Variants in FAIM2 observed in about 807,000 individuals in gnomAD.
FAIM2 encodes the protein protein lifeguard 2.
A neutral mutation model predicts 47.4 loss-of-function variants in FAIM2; 27 were observed. That is an observed-to-expected ratio of 0.57 (90% CI 0.42 to 0.78). The LOEUF is 0.78. FAIM2 is among the 30% of genes least tolerant of loss of function. The pLI is 0.00. For synonymous variants in FAIM2, 156 were observed against 159.3 expected (o/e 0.98, Z 0.16); for missense variants, 311 against 389.4 (o/e 0.80, Z 1.69).
intron 11 of FAIM2, among the ~76,000 whole-genome samples, chr12:49,880,795 T>C (rs1201870898): frequency 6.6e-6 from 1 of 151,984 alleles, no homozygotes; most frequent in Non-Finnish European, 1.5e-5. Flanking sequence ...TATGTATATG[T>C]GTTTGTGCAT....
intron 8 of FAIM2, 51 bp from the exon 9 acceptor site, chr12:49,889,619 C>T (rs761770156): frequency 6.9e-7 from 1 of 1,456,728 alleles, no homozygotes; most frequent in Non-Finnish European, 9.6e-7. Context: ...CATCTGGTCT[C>T]CCCCACCCTC....
rs1946681358 is a variant in FAIM2, at chr12:49,868,782, T to A, written c.*1722A>T. ...TGGAGGATCACTGCGATGGATTAAT[T>A]TAGACCAGCACACAGTGGGCATCTC... On this transcript the variant is annotated 3_prime_UTR_variant, in exon 12 of 12. Transcript: ENST00000320634. 6.6e-6 allele frequency: 1 copy of A among 152,254 alleles called. No individual in the cohort carries two copies. Among genetic ancestry groups the A allele is most frequent in the African/African-American group, 2.4e-5 (1 of 41,444 alleles). The allele number at this position is 152,254 out of a possible 1,614,324, so 9.4% of individuals were successfully genotyped here. A position where few individuals can be genotyped will look rare whatever the true frequency, so the allele number is the denominator to read the frequency against.
Position 49,890,165 on chromosome 12 carries a change from A to T in FAIM2, c.526-11T>A. The T allele has an allele frequency of 6.2e-7, 1 of 1,613,944 alleles. No individual in the cohort carries two copies. The highest frequency in any genetic ancestry group is 8.5e-7 in the Non-Finnish European group (1 of 1,179,872). On this transcript the variant is annotated splice_polypyrimidine_tract_variant and intron_variant, in intron 7 of 11. Coordinates refer to ENST00000320634, the MANE Select transcript of FAIM2 (RefSeq NM_012306.4). ...GGCCATGGACAGGGTCTGAAAGGAG[A>T]AGCAGGGTAAAGGAATGTTCCAAAC...
Position 49,876,451 on chromosome 12 carries a change from A to C in FAIM2, c.802-5798T>G, listed in dbSNP as rs926395364. ...GCTAAATCTGGTGATTTAAATGACA[A>C]GGTTATCATTTACCATAAGAGTAAA... On this transcript the variant is annotated intron_variant, in intron 11 of 11. Coordinates refer to ENST00000320634, the MANE Select transcript of FAIM2 (RefSeq NM_012306.4). Among the ~76,000 whole-genome samples the C allele has an allele frequency of 2.1e-4, 32 of 152,180 alleles. 1 individual carries two copies. The highest frequency in any genetic ancestry group is 7.7e-4 in the African/African-American group (32 of 41,446).
At chr12:49,895,569 C>T (rs564977424) in intron 5 of FAIM2, among the ~76,000 whole-genome samples, 37 of 152,318 alleles carry the variant, frequency 2.4e-4, no homozygotes, top group African/African-American at 8.4e-4. Context: ...GTCTCTGGGG[C>T]CTCATTAGCT....
At chr12:49,897,130 G>A in intron 4 of FAIM2, 46 bp from the exon 5 acceptor site, 1 of 1,478,700 alleles carries the variant, frequency 6.8e-7, no homozygotes. Flanking sequence ...TGTACCCTAG[G>A]TCTCCATTTC....
chr12:49,880,564 GTGTGTATC>G (rs1431715336), intron 11 of FAIM2, among the ~76,000 whole-genome samples: 2,362 of 14,922 alleles, frequency 0.16, 69 homozygotes, highest in African/African-American at 0.42. Flanking sequence ...GTGTGTGCAT[GTGTGTATC>G]TGTGCATGTG....
At chr12:49,894,463 G>C (rs1366147125) in intron 5 of FAIM2, among the ~76,000 whole-genome samples, 1 of 152,172 alleles carries the variant, frequency 6.6e-6, no homozygotes, top group Non-Finnish European at 1.5e-5. Context: ...CCTTGAGAAA[G>C]CTGGGCTGTG....
intron 11 of FAIM2, among the ~76,000 whole-genome samples, chr12:49,871,276 A>G (rs948512834): frequency 6.6e-6 from 1 of 152,254 alleles, no homozygotes; most frequent in African/African-American, 2.4e-5. Context: ...CAAGATTTCA[A>G]CCTGAGCAGG....
chr12:49,884,953 G>A (rs758865373), intron 11 of FAIM2, among the ~76,000 whole-genome samples: 5 of 152,022 alleles, frequency 3.3e-5, no homozygotes, highest in Non-Finnish European at 7.4e-5. Flanking sequence ...CAGCCTGGGC[G>A]ACAGAGTGAG....
At chr12:49,887,726 C>A (rs1226207203) in intron 10 of FAIM2, among the ~76,000 whole-genome samples, 9 of 152,118 alleles carry the variant, frequency 5.9e-5, no homozygotes. Flanking sequence ...GAAGATGACT[C>A]TCGGTGGGCC....
intron 5 of FAIM2, among the ~76,000 whole-genome samples, chr12:49,896,382 G>A (rs889586229): frequency 4.6e-5 from 7 of 152,154 alleles, no homozygotes; most frequent in African/African-American, 1.7e-4. Context: ...AGCAGGAGCC[G>A]AGTGGCTCGA....
intron 11 of FAIM2, among the ~76,000 whole-genome samples, chr12:49,873,087 G>C (rs1946714163): frequency 6.6e-6 from 1 of 152,114 alleles, no homozygotes; most frequent in African/African-American, 2.4e-5. Context: ...GCGAAAATGG[G>C]GAGCCATGGC....
intron 11 of FAIM2, among the ~76,000 whole-genome samples, chr12:49,873,249 G>C (rs147939194): frequency 6.6e-6 from 1 of 152,228 alleles, no homozygotes; most frequent in African/African-American, 2.4e-5. Flanking sequence ...CTTGACCTCA[G>C]TGTCCTCATC....
intron 11 of FAIM2, among the ~76,000 whole-genome samples, chr12:49,885,843 G>T (rs1365018362): frequency 6.6e-6 from 1 of 152,068 alleles, no homozygotes; most frequent in East Asian, 1.9e-4. Flanking sequence ...CACTCTCCCT[G>T]CTGACCAGGC....
At position 49,880,306 on chromosome 12, in the gene FAIM2, ATGTG is replaced by A. The variant is rs1196650005; in HGVS notation, c.801+7076_801+7079del. 6.9e-5 allele frequency among the ~76,000 whole-genome samples: 10 copies of A among 144,646 alleles called. No homozygotes were observed. In the East Asian group the frequency reaches 8.3e-4, roughly 12 times the overall value. 94.9% of individuals were successfully genotyped at this position (144,646 alleles called of 152,430 possible). The stretch of plus-strand genomic sequence containing the variant: ...CATATGAGTGTATCTGTGTATGTGC[ATGTG>A]TGTATGTGTATGTGTGTCTGTGTGC... On this transcript the variant is annotated intron_variant, in intron 11 of 11. Transcript: ENST00000320634.
At chr12:49,880,498 G>GTGTGTA (rs1232757616) in intron 11 of FAIM2, among the ~76,000 whole-genome samples, 1 of 149,796 alleles carries the variant, frequency 6.7e-6, no homozygotes, top group Non-Finnish European at 1.5e-5. Flanking sequence ...ATGTGTATGT[G>GTGTGTA]TGTGTATGAG....
In FAIM2 at chr12:49,901,139, C is replaced by T. The variant is rs566047053; in HGVS notation, c.202G>A (p.Val68Met). Residue 68 changes from valine (V) to methionine (M), a missense_variant, in exon 2 of 12, where the codon GTG (valine) becomes ATG (methionine). By Grantham distance (21) the Val-to-Met change is conservative. Coordinates refer to ENST00000320634, the MANE Select transcript of FAIM2 (RefSeq NM_012306.4). ...AVPLHPSWAYVDPSSSSSYDN... is the reference protein window; with the variant it reads ...AVPLHPSWAYMDPSSSSSYDN... Reference sequence around the variant, plus strand: ...GAGCTGAAAGACTTACTGGGGTCCACATAGGCCCAGCTAGGGTGGAGAGGC... The same window carrying T: ...GAGCTGAAAGACTTACTGGGGTCCATATAGGCCCAGCTAGGGTGGAGAGGC... 7 of 1,595,820 alleles carry T rather than the reference C, an allele frequency of 4.4e-6. No homozygotes were observed. The African/African-American group carries it at 9.5e-5, about 22-fold the overall frequency.
intron 10 of FAIM2, among the ~76,000 whole-genome samples, chr12:49,888,188 C>T (rs1264011020): frequency 6.6e-6 from 1 of 152,220 alleles, no homozygotes; most frequent in Non-Finnish European, 1.5e-5. Context: ...CCTCCCCATC[C>T]TAGACACACA....
Sources: allele counts gnomAD v4.1 joint callset (sites outside exome capture counted in the v4.1 genomes callset), GRCh38; gene constraint gnomAD v4.1.1; transcripts MANE v1.5; gene names NCBI Gene and HGNC (gene_info 2026-07-23, HGNC 2026-07-21).